Variants in EYA2 observed in about 807,000 individuals in gnomAD.
EYA2 encodes the protein protein phosphatase EYA2.
EYA2 carries 31 observed loss-of-function variants against 69.2 expected under a neutral mutation model. The observed-to-expected ratio is 0.45, with a 90% CI of 0.34 to 0.60. The LOEUF (loss-of-function observed/expected upper bound fraction) is 0.60. Among genes scored for constraint, EYA2 ranks in the 20% least tolerant of loss-of-function variants. EYA2 has a pLI of 0.02. For synonymous variants in EYA2, 257 were observed against 279.4 expected, an observed-to-expected ratio of 0.92 and a Z score of 0.80; for missense variants, 622 against 701.2, an observed-to-expected ratio of 0.89 and a Z score of 1.28.
intron 1 of EYA2, among the ~76,000 whole-genome samples, chr20:46,931,471 T>TA (rs1486232117): frequency 6.6e-6 from 1 of 152,198 alleles, no homozygotes; most frequent in Non-Finnish European, 1.5e-5. Context: ...GCATGTTACT[T>TA]AACCTCTTTG....
At chr20:46,973,911 C>A (rs868140273) in intron 1 of EYA2, among the ~76,000 whole-genome samples, 1 of 151,968 alleles carries the variant, frequency 6.6e-6, no homozygotes, top group Admixed American at 6.6e-5. Flanking sequence ...CTTTCAATTT[C>A]GGGGTAATGA....
At chr20:47,001,949 C>T (rs540415518) in intron 3 of EYA2, among the ~76,000 whole-genome samples, 1 of 149,100 alleles carries the variant, frequency 6.7e-6, no homozygotes, top group Admixed American at 6.7e-5. Flanking sequence ...TTTTTTTCTC[C>T]GAGACAGAGT....
intron 9 of EYA2, among the ~76,000 whole-genome samples, chr20:47,118,095 G>T (rs900189457): frequency 6.6e-6 from 1 of 152,218 alleles, no homozygotes; most frequent in Non-Finnish European, 1.5e-5. Context: ...CTATAAAATA[G>T]ATTCTCAAAA....
intron 2 of EYA2, 127 bp from the exon 3 acceptor site, chr20:47,001,301 G>T: frequency 2.5e-6 from 2 of 786,510 alleles, no homozygotes; most frequent in Non-Finnish European, 4.6e-6. Context: ...AAGCATCTGT[G>T]GTGGAGAAAG....
At chr20:46,994,904 T>G (rs573368360) in intron 2 of EYA2, among the ~76,000 whole-genome samples, 46 of 28,094 alleles carry the variant, frequency 1.6e-3, no homozygotes, top group South Asian at 0.011. Context: ...ACTAATTTGT[T>G]CTTTTTTTTT....
chr20:47,125,047 G>GTTTTTTTTTTTTTTTTTTTTTTTTTTTTT (rs11478823), intron 9 of EYA2, among the ~76,000 whole-genome samples: 1 of 88,396 alleles, frequency 1.1e-5, no homozygotes, highest in Non-Finnish European at 2.3e-5. Context: ...TTTTGGTTAA[G>GTTTTTTTTTTTTTTTTTTTTTTTTTTTTT]TTTTTTTTTT....
chr20:47,164,939 T>C (rs531728482), intron 10 of EYA2, among the ~76,000 whole-genome samples: 65 of 152,284 alleles, frequency 4.3e-4, no homozygotes, highest in African/African-American at 1.5e-3. Context: ...ACTGAACTTA[T>C]CAACACAGTA....
intron 5 of EYA2, among the ~76,000 whole-genome samples, chr20:47,050,591 T>A (rs16992251): frequency 0.034 from 5,234 of 152,252 alleles, 313 homozygotes; most frequent in African/African-American, 0.12. Flanking sequence ...ATCAAACCTT[T>A]ATAAGCAATG....
intron 9 of EYA2, among the ~76,000 whole-genome samples, chr20:47,125,908 G>A (rs2033179611): frequency 1.3e-5 from 2 of 152,210 alleles, no homozygotes; most frequent in African/African-American, 2.4e-5. Flanking sequence ...AAAAGAGAGA[G>A]GGGAGGAGAT....
At chr20:47,023,509 C>A (rs1983880529) in intron 5 of EYA2, among the ~76,000 whole-genome samples, 1 of 152,114 alleles carries the variant, frequency 6.6e-6, no homozygotes, top group Non-Finnish European at 1.5e-5. Flanking sequence ...ATGTTCCACA[C>A]CACTACCTCC....
At chr20:47,008,061 G>A (rs1258927053) in intron 4 of EYA2, among the ~76,000 whole-genome samples, 1 of 152,210 alleles carries the variant, frequency 6.6e-6, no homozygotes, top group Non-Finnish European at 1.5e-5. Context: ...CGAGGCCATG[G>A]CAGCGGACAG....
chr20:46,983,409 T>C (rs1323851672), intron 1 of EYA2, among the ~76,000 whole-genome samples: 1 of 152,112 alleles, frequency 6.6e-6, no homozygotes, highest in Non-Finnish European at 1.5e-5. Flanking sequence ...CAAGGCAGGA[T>C]CTATTTTGTT....
At chr20:46,950,044 C>G (rs1384464422) in intron 1 of EYA2, among the ~76,000 whole-genome samples, 1 of 152,168 alleles carries the variant, frequency 6.6e-6, no homozygotes, top group African/African-American at 2.4e-5. Flanking sequence ...GTGTTTTTCT[C>G]CACTGTGCAT....
chr20:47,154,666 G>C (rs901052306), intron 10 of EYA2, among the ~76,000 whole-genome samples: 3 of 152,002 alleles, frequency 2.0e-5, no homozygotes, highest in African/African-American at 7.2e-5. Context: ...AGGAAGAAAA[G>C]AAAGTGCAAG....
At chr20:47,122,036 A>G (rs989095778) in intron 9 of EYA2, among the ~76,000 whole-genome samples, 18 of 152,190 alleles carry the variant, frequency 1.2e-4, no homozygotes, top group African/African-American at 4.3e-4. Context: ...AAATCAGGAT[A>G]TTTCACATAC....
At position 47,004,977 on chromosome 20, in the gene EYA2, C is replaced by T. The variant is rs764515164; in HGVS notation, c.191C>T (p.Thr64Ile). 5 of 1,614,138 alleles carry T rather than the reference C, an allele frequency of 3.1e-6. No individual in the cohort carries two copies. Among genetic ancestry groups the T allele is most frequent in the South Asian group, 1.1e-5 (1 of 91,084 alleles). Reference sequence around the variant, plus strand: ...CGTGTCCTCCCCCGCCAGCCTTCCACAGCCATGGCAGCCTACGGCCAGACG... The same window carrying T: ...CGTGTCCTCCCCCGCCAGCCTTCCATAGCCATGGCAGCCTACGGCCAGACG... ...CPRVLPRQPS[T>I]AMAAYGQTQY... Residue 64 changes from threonine (T) to isoleucine (I), a missense_variant, in exon 4 of 16, where the codon ACA becomes ATA. By Grantham distance (89) the Thr-to-Ile change is moderately conservative. This residue lies in a region of EYA2 where 365 missense variants were observed against 349.7 expected (regional missense o/e 1.04). Coordinates refer to ENST00000327619, the MANE Select transcript of EYA2 (RefSeq NM_005244.5).
chr20:47,002,541 C>G (rs1479530890), intron 3 of EYA2, among the ~76,000 whole-genome samples: 1 of 152,208 alleles, frequency 6.6e-6, no homozygotes, highest in Non-Finnish European at 1.5e-5. Flanking sequence ...TGATCTTGTT[C>G]CTTTTTATGG....
At chr20:46,909,830 T>C (rs2031411130) in intron 1 of EYA2, among the ~76,000 whole-genome samples, 1 of 152,210 alleles carries the variant, frequency 6.6e-6, no homozygotes, top group African/African-American at 2.4e-5. Context: ...ACCCCTCTCC[T>C]CCTGGACTAC....
At chr20:47,093,928 CA>C (rs2032166805) in intron 8 of EYA2, among the ~76,000 whole-genome samples, 1 of 152,240 alleles carries the variant, frequency 6.6e-6, no homozygotes, top group Non-Finnish European at 1.5e-5. Context: ...GTCTCCCCTT[CA>C]GATCACATGG....
Sources: gnomAD v4.1 joint callset for allele counts (sites outside exome capture counted in the v4.1 genomes callset) on GRCh38, gnomAD v4.1.1 for gene constraint, gnomAD v4.1.1 regional missense constraint, MANE v1.5 for transcripts, NCBI Gene and HGNC (gene_info 2026-07-23, HGNC 2026-07-21) for gene names.